Variants in SLMAP observed in about 807,000 individuals in gnomAD.
The protein encoded by SLMAP is sarcolemmal membrane-associated protein.
In SLMAP, 44 loss-of-function variants were observed where a neutral mutation model predicts 128.8. That is an observed-to-expected ratio of 0.34 (90% CI 0.27 to 0.44). SLMAP has a LOEUF of 0.44. SLMAP is among the 20% of genes least tolerant of loss of function. SLMAP has a pLI of 1.00. For synonymous variants in SLMAP, 327 were observed against 348.8 expected (o/e 0.94, Z 0.70); for missense variants, 787 against 985.3 (o/e 0.80, Z 2.69).
intron 8 of SLMAP, among the ~76,000 whole-genome samples, chr3:57,858,532 A>C (rs2094897149): frequency 6.6e-6 from 1 of 152,194 alleles, no homozygotes. Flanking sequence ...TGTCAACAAC[A>C]CTTTATGGAT....
At position 57,757,528 on chromosome 3, in the gene SLMAP, A is replaced by C; in HGVS notation, c.-124A>C. The C allele has an allele frequency of 1.3e-6, 1 of 794,662 alleles. No individual in the cohort carries two copies. Among genetic ancestry groups the C allele is most frequent in the Non-Finnish European group, 2.1e-6 (1 of 480,276 alleles). 49.2% of individuals were successfully genotyped at this position (794,662 alleles called of 1,614,324 possible). Reference sequence around the variant, plus strand: ...GATGTTCACTGGTTATGCTTAGACAATGTGCAGTTTGTGTTAATTTAAAAT... The same window carrying C: ...GATGTTCACTGGTTATGCTTAGACACTGTGCAGTTTGTGTTAATTTAAAAT... On this transcript the variant is annotated 5_prime_UTR_variant, in exon 2 of 25. It removes an upstream start codon present in the reference 5' UTR. Coordinates refer to ENST00000671191, the MANE Select transcript of SLMAP (RefSeq NM_001377540.1).
intron 2 of SLMAP, among the ~76,000 whole-genome samples, chr3:57,817,361 T>C (rs907394387): frequency 2.0e-5 from 3 of 152,238 alleles, no homozygotes; most frequent in African/African-American, 7.2e-5. Context: ...TGATTTCTGA[T>C]GGTCACAAAT....
intron 17 of SLMAP, among the ~76,000 whole-genome samples, chr3:57,906,712 C>A (rs2096579174): frequency 6.9e-6 from 1 of 145,766 alleles, no homozygotes; most frequent in Non-Finnish European, 1.5e-5. Flanking sequence ...ATTTCCAAAA[C>A]CTATTGTAAT....
At chr3:57,922,416 A>G (rs188354628) in intron 22 of SLMAP, among the ~76,000 whole-genome samples, 1,803 of 150,734 alleles carry the variant, frequency 0.012, 25 homozygotes, top group African/African-American at 0.041. Flanking sequence ...GTCAACATTA[A>G]AGGCTTTTCT....
At chr3:57,837,987 T>G (rs997790097) in intron 3 of SLMAP, among the ~76,000 whole-genome samples, 1 of 152,232 alleles carries the variant, frequency 6.6e-6, no homozygotes, top group African/African-American at 2.4e-5. Flanking sequence ...GCAGCAACTC[T>G]GTACTGCCCA....
rs1317261965 is a variant in SLMAP at position 57,871,702 on chromosome 3, A to G, written c.1300+4A>G. ...CATCAATTCATAGAATGCCAGAGTG[A>G]GTACAGAGTATTTTTCACATTGATT... On this transcript the variant is annotated splice_donor_region_variant and intron_variant, in intron 14 of 24. Transcript: ENST00000671191. 1.0e-5 allele frequency: 16 copies of G among 1,604,818 alleles called. No individual in the cohort carries two copies. Among genetic ancestry groups the G allele is most frequent in the Non-Finnish European group, 1.4e-5 (16 of 1,172,488 alleles).
At chr3:57,793,395 T>A (rs2085954717) in intron 2 of SLMAP, among the ~76,000 whole-genome samples, 1 of 152,224 alleles carries the variant, frequency 6.6e-6, no homozygotes, top group African/African-American at 2.4e-5. Flanking sequence ...TGTTGATTCA[T>A]TTAGCTAACA....
At chr3:57,880,493 A>G (rs2095709062) in intron 14 of SLMAP, among the ~76,000 whole-genome samples, 2 of 152,214 alleles carry the variant, frequency 1.3e-5, no homozygotes, top group Middle Eastern at 3.4e-3. Context: ...ATGAGCCACC[A>G]TGCCCAGACT....
At chr3:57,813,864 A>G (rs1020492086) in intron 2 of SLMAP, among the ~76,000 whole-genome samples, 2 of 152,058 alleles carry the variant, frequency 1.3e-5, no homozygotes, top group African/African-American at 2.4e-5. Context: ...GTCTTTGCCA[A>G]ACTTATATTA....
At chr3:57,814,952 A>ACT (rs1374876845) in intron 2 of SLMAP, among the ~76,000 whole-genome samples, 1 of 151,818 alleles carries the variant, frequency 6.6e-6, no homozygotes, top group Non-Finnish European at 1.5e-5. Flanking sequence ...TGCCTACTGT[A>ACT]CTCTAGTATG....
intron 23 of SLMAP, 87 bp from the exon 24 acceptor site, chr3:57,925,758 C>A: frequency 1.2e-6 from 1 of 866,810 alleles, no homozygotes; most frequent in Non-Finnish European, 1.9e-6. Flanking sequence ...TTCTTTCTTC[C>A]TACCTCCCAC....
At chr3:57,868,111 A>G (rs2095356323) in intron 13 of SLMAP, among the ~76,000 whole-genome samples, 1 of 152,090 alleles carries the variant, frequency 6.6e-6, no homozygotes, top group Admixed American at 6.6e-5. Flanking sequence ...AAAATTAAAA[A>G]TTAGCTGGGC....
chr3:57,828,729 CG>C (rs1201067722), intron 2 of SLMAP, among the ~76,000 whole-genome samples: 1 of 151,902 alleles, frequency 6.6e-6, no homozygotes, highest in East Asian at 1.9e-4. Context: ...ATGCTTTGGA[CG>C]GTAATATAGA....
At chr3:57,876,233 G>A (rs1481864056) in intron 14 of SLMAP, among the ~76,000 whole-genome samples, 1 of 152,236 alleles carries the variant, frequency 6.6e-6, no homozygotes, top group South Asian at 2.1e-4. Context: ...CAGTTTATGT[G>A]TATGAATCTA....
At chr3:57,856,821 A>G (rs963686729) in intron 6 of SLMAP, among the ~76,000 whole-genome samples, 1 of 152,238 alleles carries the variant, frequency 6.6e-6, no homozygotes, top group Non-Finnish European at 1.5e-5. Context: ...GCAGCACAGT[A>G]GGTTTGTTTA....
At chr3:57,869,633 TA>T (rs2095423946) in intron 13 of SLMAP, among the ~76,000 whole-genome samples, 2 of 110,240 alleles carry the variant, frequency 1.8e-5, no homozygotes, top group Admixed American at 8.8e-5. Flanking sequence ...ATCTCTATTA[TA>T]TATATATATA....
At chr3:57,840,750 C>T (rs1028578149) in intron 3 of SLMAP, among the ~76,000 whole-genome samples, 1 of 152,136 alleles carries the variant, frequency 6.6e-6, no homozygotes, top group African/African-American at 2.4e-5. Context: ...GAGACACTAG[C>T]AAACAATTCT....
At chr3:57,880,705 A>T (rs1315596675) in intron 14 of SLMAP, among the ~76,000 whole-genome samples, 1 of 151,626 alleles carries the variant, frequency 6.6e-6, no homozygotes, top group African/African-American at 2.4e-5. Context: ...CAGTGAGACC[A>T]TGTCTCTACA....
intron 8 of SLMAP, 36 bp downstream of exon 8, chr3:57,858,195 A>G: frequency 1.8e-6 from 2 of 1,113,210 alleles, no homozygotes; most frequent in Non-Finnish European, 2.7e-6. Flanking sequence ...AATGAAATGC[A>G]TAGTTTTTTA....
Sources: allele counts gnomAD v4.1 joint callset (sites outside exome capture counted in the v4.1 genomes callset), GRCh38; gene constraint gnomAD v4.1.1; transcripts MANE v1.5; gene names NCBI Gene and HGNC (gene_info 2026-07-23, HGNC 2026-07-21).